PTPN13: variants seen among roughly 807,000 people sequenced by gnomAD.
PTPN13 encodes the protein tyrosine-protein phosphatase non-receptor type 13.
In PTPN13, 191 loss-of-function variants were observed where a neutral mutation model predicts 284.0. That is an observed-to-expected ratio of 0.67 (90% CI 0.60 to 0.76). PTPN13 has a LOEUF of 0.76. PTPN13 is among the 30% of genes least tolerant of loss of function. The pLI, the probability that PTPN13 is intolerant of heterozygous loss-of-function variation, is 0.00. For synonymous variants in PTPN13, 986 were observed against 1,022.3 expected (o/e 0.96, Z 0.68); for missense variants, 2,797 against 2,939.9 (o/e 0.95, Z 1.12).
intron 3 of PTPN13, among the ~76,000 whole-genome samples, chr4:86,684,046 A>G (rs1014854892): frequency 2.6e-4 from 40 of 152,080 alleles, no homozygotes; most frequent in Non-Finnish European, 1.5e-5. Flanking sequence ...CATGTATTGA[A>G]TATCTGCTAT....
intron 47 of PTPN13, among the ~76,000 whole-genome samples, chr4:86,812,708 A>G (rs1745371572): frequency 6.6e-6 from 1 of 152,180 alleles, no homozygotes; most frequent in South Asian, 2.1e-4. Context: ...GTCACAGCCA[A>G]TGTGGCGGGC....
intron 20 of PTPN13, among the ~76,000 whole-genome samples, chr4:86,755,486 G>A (rs1484645823): frequency 6.6e-6 from 1 of 151,964 alleles, no homozygotes; most frequent in African/African-American, 2.4e-5. Flanking sequence ...TACAGCAATT[G>A]AAAAGTAACT....
chr4:86,782,305 T>C, intron 37 of PTPN13, 43 bp downstream of exon 37: 1 of 1,477,168 alleles, frequency 6.8e-7, no homozygotes, highest in Non-Finnish European at 9.5e-7. Context: ...CCTCCTTATC[T>C]GAGGAACTGC....
chr4:86,718,323 AC>A (rs1565403190), intron 9 of PTPN13, among the ~76,000 whole-genome samples: 1 of 152,218 alleles, frequency 6.6e-6, no homozygotes, highest in African/African-American at 2.4e-5. Flanking sequence ...ATTCTGCCAG[AC>A]ACTGTTTCAC....
intron 15 of PTPN13, among the ~76,000 whole-genome samples, chr4:86,740,303 T>C (rs1279727501): frequency 2.0e-5 from 3 of 152,216 alleles, no homozygotes; most frequent in Non-Finnish European, 4.4e-5. Flanking sequence ...GGCATTTCCA[T>C]ACATCCTCTG....
intron 10 of PTPN13, 75 bp from the exon 11 acceptor site, chr4:86,732,325 T>G: frequency 8.4e-7 from 1 of 1,188,444 alleles, no homozygotes; most frequent in Non-Finnish European, 1.2e-6. Context: ...TTATTATTCT[T>G]ACATTATTTT....
At chr4:86,751,191 T>C in intron 19 of PTPN13, 67 bp downstream of exon 19, 1 of 1,143,790 alleles carries the variant, frequency 8.7e-7, no homozygotes, top group South Asian at 1.4e-5. Context: ...AACAAGATCA[T>C]CTTAATTATC....
intron 16 of PTPN13, among the ~76,000 whole-genome samples, chr4:86,742,068 T>C (rs1169463512): frequency 2.0e-5 from 3 of 152,230 alleles, no homozygotes; most frequent in Non-Finnish European, 4.4e-5. Context: ...TTAGTTAAAT[T>C]ACAACCAAGT....
At chr4:86,800,750 G>T (rs1054880460) in intron 42 of PTPN13, among the ~76,000 whole-genome samples, 2 of 152,010 alleles carry the variant, frequency 1.3e-5, no homozygotes, top group Non-Finnish European at 2.9e-5. Flanking sequence ...GAGGAAGGAA[G>T]TTAGTTTAAT....
chr4:86,812,235 G>A (rs1241090836), intron 47 of PTPN13, among the ~76,000 whole-genome samples: 3 of 148,902 alleles, frequency 2.0e-5, no homozygotes, highest in Admixed American at 6.7e-5. Flanking sequence ...GCGTGAACCC[G>A]GGAGGCGGAG....
At chr4:86,679,867 A>G (rs1037100774) in intron 3 of PTPN13, among the ~76,000 whole-genome samples, 1 of 152,180 alleles carries the variant, frequency 6.6e-6, no homozygotes, top group African/African-American at 2.4e-5. Context: ...AGAGGTAGAA[A>G]GTATTCTGTT....
intron 40 of PTPN13, among the ~76,000 whole-genome samples, chr4:86,786,984 A>G (rs1284718636): frequency 2.6e-5 from 4 of 151,912 alleles, no homozygotes; most frequent in African/African-American, 9.7e-5. Context: ...GCACACCTGT[A>G]TTCCCAGCCC....
At chr4:86,776,269 A>G (rs1285309751) in intron 35 of PTPN13, among the ~76,000 whole-genome samples, 2 of 152,148 alleles carry the variant, frequency 1.3e-5, no homozygotes, top group Non-Finnish European at 2.9e-5. Context: ...TTTATATTGG[A>G]CTTTAGAAGT....
chr4:86,759,102 T>A, intron 23 of PTPN13, 29 bp downstream of exon 23: 1 of 1,599,250 alleles, frequency 6.3e-7, no homozygotes, highest in Admixed American at 1.7e-5. Flanking sequence ...ACTTATGTAT[T>A]CTGTTTCACT....
chr4:86,595,732 A>T (rs1763632368), intron 1 of PTPN13: 1 of 985,744 alleles, frequency 1.0e-6, no homozygotes. Flanking sequence ...GTTTGTTTTC[A>T]AGGCAGGACC....
chr4:86,662,582 G>T (rs1300756871), intron 2 of PTPN13, among the ~76,000 whole-genome samples: 2 of 151,950 alleles, frequency 1.3e-5, no homozygotes, highest in African/African-American at 4.8e-5. Flanking sequence ...CACCTGCCTC[G>T]GCCTCCCAAA....
intron 2 of PTPN13, among the ~76,000 whole-genome samples, chr4:86,645,006 C>T (rs1164646321): frequency 1.3e-5 from 2 of 151,980 alleles, no homozygotes; most frequent in Non-Finnish European, 2.9e-5. Flanking sequence ...TTCAGGAGTT[C>T]GTGACCAGCC....
chr4:86,652,504 G>A (rs1482147541), intron 2 of PTPN13, among the ~76,000 whole-genome samples: 3 of 152,110 alleles, frequency 2.0e-5, no homozygotes, highest in Non-Finnish European at 4.4e-5. Context: ...TCTCCTTCAT[G>A]TTTGAAGGAT....
intron 43 of PTPN13, among the ~76,000 whole-genome samples, chr4:86,804,782 C>T (rs1162526334): frequency 6.6e-6 from 1 of 152,196 alleles, no homozygotes; most frequent in African/African-American, 2.4e-5. Context: ...TCACTTATTA[C>T]AGTACCTTGC....
Sources: allele counts gnomAD v4.1 joint callset (sites outside exome capture counted in the v4.1 genomes callset), GRCh38; gene constraint gnomAD v4.1.1; transcripts MANE v1.5; gene names NCBI Gene and HGNC (gene_info 2026-07-23, HGNC 2026-07-21).